Variants in PTK2 observed in about 807,000 individuals in gnomAD.
The protein encoded by PTK2 is focal adhesion kinase 1.
Under a neutral mutation model 150.1 loss-of-function variants are expected in PTK2, and 45 were observed. The observed-to-expected ratio is 0.30, with a 90% confidence interval of 0.24 to 0.38. The LOEUF is 0.38. Ranked by LOEUF, PTK2 falls within the 10% of genes least tolerant of loss-of-function variation. PTK2 has a pLI of 1.00. For missense variants in PTK2, 919 were observed against 1,307.3 expected (o/e 0.70, Z 4.58); for synonymous variants, 432 against 449.2 (o/e 0.96, Z 0.48).
intron 5 of PTK2, among the ~76,000 whole-genome samples, chr8:140,847,790 A>T (rs77293021): frequency 2.8e-4 from 43 of 152,266 alleles, no homozygotes; most frequent in East Asian, 1.9e-3. Context: ...CCCTAAAAAA[A>T]TTTTCAAACA....
intron 26 of PTK2, among the ~76,000 whole-genome samples, chr8:140,688,342 T>TA (rs906523265): frequency 1.1e-4 from 17 of 152,158 alleles, no homozygotes; most frequent in African/African-American, 4.1e-4. Context: ...TGCTACTATA[T>TA]AAAAAAACAT....
chr8:140,880,136 C>T (rs1416338282), intron 3 of PTK2, among the ~76,000 whole-genome samples: 2 of 152,190 alleles, frequency 1.3e-5, no homozygotes, highest in Non-Finnish European at 2.9e-5. Flanking sequence ...ACAGTTAAGG[C>T]TACGTTTCTG....
chr8:140,800,665 C>A, intron 11 of PTK2, 89 bp from the exon 12 acceptor site: 1 of 925,532 alleles, frequency 1.1e-6, no homozygotes, highest in Non-Finnish European at 1.7e-6. Context: ...CATCTCTATA[C>A]ACTTGAAAAC....
At chr8:140,833,698 C>T (rs1158807695) in intron 7 of PTK2, among the ~76,000 whole-genome samples, 3 of 152,224 alleles carry the variant, frequency 2.0e-5, no homozygotes, top group East Asian at 3.8e-4. Context: ...ACAACTTACA[C>T]ATCATCAACA....
At chr8:140,694,901 C>A (rs1442547416) in intron 26 of PTK2, among the ~76,000 whole-genome samples, 1 of 152,220 alleles carries the variant, frequency 6.6e-6, no homozygotes, top group East Asian at 1.9e-4. Context: ...ACAACCGACA[C>A]ACACTACCTT....
intron 1 of PTK2, among the ~76,000 whole-genome samples, chr8:140,931,885 ATT>A (rs2100171928): frequency 7.4e-6 from 1 of 134,544 alleles, no homozygotes; most frequent in Non-Finnish European, 1.5e-5. Context: ...ATGAGCCATG[ATT>A]GGGCCACTGC....
chr8:140,817,160 T>G (rs2100105198), intron 10 of PTK2, among the ~76,000 whole-genome samples: 1 of 151,892 alleles, frequency 6.6e-6, no homozygotes, highest in Non-Finnish European at 1.5e-5. Context: ...ACAGTGTGCC[T>G]GATGATGACC....
At chr8:140,808,110 C>A (rs779155809) in intron 10 of PTK2, among the ~76,000 whole-genome samples, 6 of 152,124 alleles carry the variant, frequency 3.9e-5, no homozygotes, top group Non-Finnish European at 2.9e-5. Flanking sequence ...GAGAGGGACA[C>A]AGGGCTAAAA....
intron 1 of PTK2, among the ~76,000 whole-genome samples, chr8:140,946,749 A>G (rs1466585026): frequency 1.3e-5 from 2 of 152,158 alleles, no homozygotes; most frequent in African/African-American, 2.4e-5. Context: ...CTTCCAGTAC[A>G]TTACATAATG....
rs1180820023 is a variant in PTK2, at chr8:140,856,142, C to A, written c.450+8170G>T. ...AACATAAAAACCACCACGATTCAAC[C>A]ACATACCCACCTAGTCAAAAGGCTA... On this transcript the variant is annotated intron_variant, in intron 5 of 31. Coordinates refer to ENST00000522684, the Ensembl canonical transcript of PTK2. Among the ~76,000 whole-genome samples, 3 of 152,132 alleles carry A rather than the reference C, an allele frequency of 2.0e-5. No individual in the cohort carries two copies. In the South Asian group the frequency reaches 6.2e-4, roughly 31 times the overall value.
chr8:140,922,073 G>C lies in PTK2; in HGVS notation c.-33+3588C>G, dbSNP rs118016500. Among the ~76,000 whole-genome samples, 895 of 152,234 alleles carry C rather than the reference G, an allele frequency of 5.9e-3. 10 individuals carry two copies. The highest frequency in any genetic ancestry group is 7.2e-3 in the Non-Finnish European group (489 of 68,012). The stretch of plus-strand genomic sequence containing the variant: ...CAAAAATCAAGTATTTTACTTAACA[G>C]TGAAAATGACCGAGGCTTTGTTTAT... On this transcript the variant is annotated intron_variant, in intron 2 of 31. Coordinates refer to ENST00000522684, the Ensembl canonical transcript of PTK2.
intron 7 of PTK2, among the ~76,000 whole-genome samples, chr8:140,842,995 A>T (rs934413426): frequency 6.6e-6 from 1 of 152,080 alleles, no homozygotes; most frequent in African/African-American, 2.4e-5. Flanking sequence ...GCCCTTATGT[A>T]TAGCAATTCT....
rs10558474 is a variant in PTK2 at position 140,670,456 on chromosome 8, C to CA, written c.2710-2033dup. 2.5e-3 allele frequency among the ~76,000 whole-genome samples: 44 copies of CA among 17,834 alleles called. 10 individuals carry two copies. The highest frequency in any genetic ancestry group is 5.9e-3 in the South Asian group (2 of 340). 11.7% of individuals were successfully genotyped at this position (17,834 alleles called of 152,430 possible). A position where few individuals can be genotyped will look rare whatever the true frequency, so the allele number is the denominator to read the frequency against. ...TGGGTGACAGAGCGACACTGTGTCTCAAAAAAAAAAAAAAAAAAAAAAAAA... is the reference window on the plus strand; with the variant it reads ...TGGGTGACAGAGCGACACTGTGTCTCAAAAAAAAAAAAAAAAAAAAAAAAAA... On this transcript the variant is annotated intron_variant, in intron 29 of 31. Transcript: ENST00000522684.
intron 4 of PTK2, 145 bp downstream of exon 4, chr8:140,879,326 A>G: frequency 8.6e-6 from 7 of 818,056 alleles, no homozygotes; most frequent in Non-Finnish European, 1.3e-5. Context: ...TCATTCGTTA[A>G]TAATTACTAA....
intron 1 of PTK2, among the ~76,000 whole-genome samples, chr8:140,927,693 T>C (rs2100169983): frequency 6.6e-6 from 1 of 152,002 alleles, no homozygotes; most frequent in Non-Finnish European, 1.5e-5. Flanking sequence ...AGGTGGCTCA[T>C]GCCTGTAATC....
At chr8:140,752,183 C>A in intron 17 of PTK2, 49 bp downstream of exon 20, 1 of 1,450,092 alleles carries the variant, frequency 6.9e-7, no homozygotes. Flanking sequence ...GTTTGGATTT[C>A]ACAGATAGAA....
chr8:140,768,482 A>G (rs1216622851), intron 14 of PTK2, among the ~76,000 whole-genome samples: 1 of 152,212 alleles, frequency 6.6e-6, no homozygotes, highest in African/African-American at 2.4e-5. Context: ...GAGATGAAGC[A>G]ATTTGCTTGT....
At chr8:140,868,838 G>T (rs1325304062) in intron 4 of PTK2, among the ~76,000 whole-genome samples, 1 of 152,070 alleles carries the variant, frequency 6.6e-6, no homozygotes, top group African/African-American at 2.4e-5. Flanking sequence ...ACCGTAATGT[G>T]GTATTCTGAA....
intron 10 of PTK2, among the ~76,000 whole-genome samples, chr8:140,818,024 A>G (rs975334565): frequency 2.0e-5 from 3 of 152,190 alleles, no homozygotes; most frequent in African/African-American, 7.2e-5. Flanking sequence ...GATAAACAGT[A>G]ACAACCCCAT....
Sources: allele counts gnomAD v4.1 joint callset (sites outside exome capture counted in the v4.1 genomes callset), GRCh38; gene constraint gnomAD v4.1.1; transcripts MANE v1.5; gene names NCBI Gene and HGNC (gene_info 2026-07-23, HGNC 2026-07-21).